The following CREB3L2 variants were observed in gnomAD, a reference collection of about 807,000 sequenced individuals.
The protein encoded by CREB3L2 is cAMP responsive element binding protein 3 like 2, also known as cyclic AMP-responsive element-binding protein 3-like protein 2.
A neutral mutation model predicts 57.2 loss-of-function variants in CREB3L2; 23 were observed. That is an observed-to-expected ratio of 0.40 (90% CI 0.29 to 0.57). CREB3L2 has a LOEUF of 0.57. Ranked by LOEUF, CREB3L2 falls within the 20% of genes least tolerant of loss-of-function variation. The probability of loss-of-function intolerance (pLI) is 0.42; values close to 1 mark genes in which losing one functional copy is unlikely to be tolerated. For missense variants in CREB3L2, 628 were observed against 634.7 expected (o/e 0.99, Z 0.11); for synonymous variants, 268 against 265.1 (o/e 1.01, Z -0.11).
intron 8 of CREB3L2, among the ~76,000 whole-genome samples, chr7:137,887,958 CT>C (rs1167286248): frequency 6.6e-6 from 1 of 151,742 alleles, no homozygotes; most frequent in Non-Finnish European, 1.5e-5. Context: ...TTTTATTTTT[CT>C]TTTTTTTCCT....
chr7:137,945,467 G>A (rs979116752), intron 1 of CREB3L2, among the ~76,000 whole-genome samples: 1 of 152,202 alleles, frequency 6.6e-6, no homozygotes, highest in African/African-American at 2.4e-5. Flanking sequence ...GAGGACAACT[G>A]ACTAGAGACA....
intron 8 of CREB3L2, among the ~76,000 whole-genome samples, chr7:137,891,597 C>T (rs921189783): frequency 2.7e-5 from 4 of 150,288 alleles, no homozygotes; most frequent in Admixed American, 2.0e-4. Flanking sequence ...TTTTTTGAGA[C>T]GGAGTTTCAC....
chr7:137,970,846 G>A (rs1049259672), intron 1 of CREB3L2, among the ~76,000 whole-genome samples: 1 of 152,220 alleles, frequency 6.6e-6, no homozygotes, highest in African/African-American at 2.4e-5. Context: ...CCAACAGCAT[G>A]TGCCTTGTTC....
At chr7:137,975,821 A>G (rs888279945) in intron 1 of CREB3L2, among the ~76,000 whole-genome samples, 1 of 152,278 alleles carries the variant, frequency 6.6e-6, no homozygotes, top group Non-Finnish European at 1.5e-5. Context: ...TCTTTTAGGA[A>G]AACGGTTTTA....
chr7:137,918,828 G>A (rs1232514103), intron 2 of CREB3L2, among the ~76,000 whole-genome samples: 1 of 152,196 alleles, frequency 6.6e-6, no homozygotes, highest in African/African-American at 2.4e-5. Context: ...CATTCTCAAA[G>A]TGTGCACATT....
chr7:137,962,514 C>T (rs1801340242), intron 1 of CREB3L2, among the ~76,000 whole-genome samples: 1 of 151,986 alleles, frequency 6.6e-6, no homozygotes, highest in Admixed American at 6.6e-5. Context: ...CCAGCTCCAG[C>T]ATACACCCTG....
In CREB3L2 at chr7:137,928,167, CTGG is replaced by C. The variant is rs3217268; in HGVS notation, c.299_301del (p.Thr100del). 0.64 allele frequency: 1,003,693 copies of C among 1,576,520 alleles called. 321,682 individuals are homozygous for C. Among genetic ancestry groups the C allele is most frequent in the East Asian group, 0.83 (36,078 of 43,276 alleles). ...GAGTTTACCGTCATTGAAGCTGTCA[CTGG>C]TGGTAATGTGGGTGAAGGGCGACTG... On this transcript the variant is annotated inframe_deletion, in exon 2 of 12. Transcript: ENST00000330387.
At position 137,910,737 on chromosome 7, in the gene CREB3L2, A is replaced by G. The variant is rs373608779; in HGVS notation, c.583+2254T>C. ...CGTCCAAGCAGAGGGCACCCCACAA[A>G]AGACAGAAAGAGAATTTGAAGCAAG... On this transcript the variant is annotated intron_variant, in intron 4 of 11. Coordinates refer to ENST00000330387, the MANE Select transcript of CREB3L2 (RefSeq NM_194071.4). Among the ~76,000 whole-genome samples the G allele has an allele frequency of 1.4e-4, 21 of 152,140 alleles. No homozygotes were observed. In the East Asian group the frequency reaches 2.9e-3, roughly 21 times the overall value.
chr7:137,941,987 G>A (rs1348114372), intron 1 of CREB3L2, among the ~76,000 whole-genome samples: 3 of 151,998 alleles, frequency 2.0e-5, no homozygotes, highest in African/African-American at 7.3e-5. Flanking sequence ...TTACCAGGGG[G>A]CTCATTTTCA....
chr7:137,943,635 T>C (rs992164395), intron 1 of CREB3L2, among the ~76,000 whole-genome samples: 5 of 152,112 alleles, frequency 3.3e-5, no homozygotes, highest in Non-Finnish European at 7.4e-5. Context: ...CTAGGAAGCC[T>C]AGAAAAAAAT....
At chr7:137,924,134 C>T (rs965588227) in intron 2 of CREB3L2, among the ~76,000 whole-genome samples, 6 of 152,194 alleles carry the variant, frequency 3.9e-5, no homozygotes, top group African/African-American at 1.4e-4. Context: ...CTACTAAATT[C>T]ATCAGGAGGA....
chr7:137,927,496 C>T (rs1800500284), intron 2 of CREB3L2, among the ~76,000 whole-genome samples: 3 of 152,044 alleles, frequency 2.0e-5, no homozygotes, highest in African/African-American at 7.2e-5. Context: ...AAGAAAATTA[C>T]ACTTAAAAGA....
In CREB3L2 at chr7:137,905,831, G is replaced by T. The variant is rs1178850382; in HGVS notation, c.786C>A (p.Gly262=). 1.2e-6 allele frequency: 2 copies of T among 1,612,640 alleles called. No individual in the cohort carries two copies. The highest frequency in any genetic ancestry group is 2.2e-5 in the South Asian group (2 of 90,952). Residue 262 remains glycine (G), a synonymous_variant, in exon 6 of 12, where the codon GGC becomes GGA. Coordinates refer to ENST00000330387, the MANE Select transcript of CREB3L2 (RefSeq NM_194071.4). ...TCTCCTCCTCTGTCAGGACCAGAGGGCCTGATCCCTGCAGTTTCTGTGCAG... is the reference window on the plus strand; with the variant it reads ...TCTCCTCCTCTGTCAGGACCAGAGGTCCTGATCCCTGCAGTTTCTGTGCAG... ...LTAPHKLQGS[G]PLVLTEEEKR... is the part of the protein sequence containing the mutation.
rs372338151 is a variant in CREB3L2, at chr7:137,946,097, G to A, written c.103-17731C>T. Reference sequence around the variant, plus strand: ...GGCCACACACTCCCTCCTGCCCACTGTAATAGGCTGAAATTCTAAGATGAC... The same window carrying A: ...GGCCACACACTCCCTCCTGCCCACTATAATAGGCTGAAATTCTAAGATGAC... On this transcript the variant is annotated intron_variant, in intron 1 of 11. Coordinates refer to ENST00000330387, the MANE Select transcript of CREB3L2 (RefSeq NM_194071.4). Among the ~76,000 whole-genome samples the A allele has an allele frequency of 2.6e-5, 4 of 152,132 alleles. No homozygotes were observed. The South Asian group carries it at 6.2e-4, about 24-fold the overall frequency.
intron 1 of CREB3L2, among the ~76,000 whole-genome samples, chr7:137,950,673 TA>T (rs1801077719): frequency 1.3e-5 from 2 of 151,916 alleles, no homozygotes; most frequent in Admixed American, 6.6e-5. Flanking sequence ...AGTTTCAGAG[TA>T]AAACAAACAA....
intron 3 of CREB3L2, 49 bp from the exon 4 acceptor site, chr7:137,913,127 G>T: frequency 6.3e-7 from 1 of 1,575,334 alleles, no homozygotes; most frequent in Non-Finnish European, 8.6e-7. Context: ...TCACAGCCTT[G>T]AAGACACATG....
chr7:137,923,159 C>G (rs1187220261), intron 2 of CREB3L2, among the ~76,000 whole-genome samples: 1 of 152,166 alleles, frequency 6.6e-6, no homozygotes, highest in African/African-American at 2.4e-5. Flanking sequence ...GAAGTTATGA[C>G]TCTCATGTAT....
At chr7:137,917,171 C>A (rs919142175) in intron 2 of CREB3L2, among the ~76,000 whole-genome samples, 3 of 152,164 alleles carry the variant, frequency 2.0e-5, no homozygotes, top group Non-Finnish European at 2.9e-5. Flanking sequence ...TATCACCAGG[C>A]CTGGAGATAG....
At chr7:137,938,550 T>C (rs2117255079) in intron 1 of CREB3L2, among the ~76,000 whole-genome samples, 1 of 152,216 alleles carries the variant, frequency 6.6e-6, no homozygotes, top group South Asian at 2.1e-4. Context: ...TTCACCATGT[T>C]GGTCAGGCTG....
Sources: gnomAD v4.1 joint callset for allele counts (sites outside exome capture counted in the v4.1 genomes callset) on GRCh38, gnomAD v4.1.1 for gene constraint, MANE v1.5 for transcripts, NCBI Gene and HGNC (gene_info 2026-07-23, HGNC 2026-07-21) for gene names.